MMP16: variants seen among roughly 807,000 people sequenced by gnomAD.
MMP16 encodes the protein matrix metalloproteinase-16.
In MMP16, 12 loss-of-function variants were observed where a neutral mutation model predicts 67.8. That is an observed-to-expected ratio of 0.18 (90% CI 0.11 to 0.29). The LOEUF is 0.29. MMP16 is among the 10% of genes least tolerant of loss of function. The pLI is 1.00. For synonymous variants in MMP16, 249 were observed against 255.9 expected, an observed-to-expected ratio of 0.97 and a Z score of 0.26; for missense variants, 475 against 765.7, an observed-to-expected ratio of 0.62 and a Z score of 4.48.
At chr8:88,326,087 C>A (rs1269036588) in intron 1 of MMP16, among the ~76,000 whole-genome samples, 1 of 151,828 alleles carries the variant, frequency 6.6e-6, no homozygotes, top group Non-Finnish European at 1.5e-5. Context: ...ATTCATAATT[C>A]GTTTGAGAGT....
chr8:88,071,015 G>C (rs1462088948), intron 7 of MMP16, among the ~76,000 whole-genome samples: 1 of 151,964 alleles, frequency 6.6e-6, no homozygotes, highest in South Asian at 2.1e-4. Context: ...TCAGAATGTA[G>C]AATTGGACAC....
chr8:88,189,278 CTCCA>C (rs1207243194), intron 2 of MMP16, among the ~76,000 whole-genome samples: 2 of 152,152 alleles, frequency 1.3e-5, no homozygotes, highest in Admixed American at 6.5e-5. Flanking sequence ...GCTGTCACAC[CTCCA>C]TCTAGATATC....
At chr8:88,075,560 A>C (rs1808633331) in intron 6 of MMP16, among the ~76,000 whole-genome samples, 1 of 152,110 alleles carries the variant, frequency 6.6e-6, no homozygotes, top group African/African-American at 2.4e-5. Context: ...AACCCTTCAA[A>C]CCCAAAAAAG....
chr8:88,180,022 G>A (rs567904960), intron 3 of MMP16, among the ~76,000 whole-genome samples: 15 of 152,116 alleles, frequency 9.9e-5, no homozygotes, highest in South Asian at 4.1e-4. Flanking sequence ...TGGCTCACAC[G>A]TGCAATCCCA....
intron 1 of MMP16, among the ~76,000 whole-genome samples, chr8:88,222,413 G>C (rs1032403594): frequency 2.6e-5 from 4 of 152,074 alleles, no homozygotes; most frequent in African/African-American, 4.8e-5. Flanking sequence ...AAAGAACAAA[G>C]CTGGAGGCAT....
intron 7 of MMP16, among the ~76,000 whole-genome samples, chr8:88,067,905 A>T (rs182578137): frequency 2.5e-4 from 38 of 152,280 alleles, no homozygotes; most frequent in African/African-American, 8.2e-4. Flanking sequence ...ATTACACATA[A>T]GTTTTCATTT....
intron 1 of MMP16, among the ~76,000 whole-genome samples, chr8:88,244,469 G>T (rs1299228538): frequency 6.6e-6 from 1 of 152,138 alleles, no homozygotes; most frequent in Non-Finnish European, 1.5e-5. Flanking sequence ...AATTCACTTT[G>T]TGGTACATCA....
chr8:88,235,998 T>A (rs2129885383), intron 1 of MMP16, among the ~76,000 whole-genome samples: 1 of 152,324 alleles, frequency 6.6e-6, no homozygotes, highest in East Asian at 1.9e-4. Context: ...AGCATAGGTG[T>A]CTTTACTCAC....
At chr8:88,164,832 C>G (rs1299210037) in intron 4 of MMP16, among the ~76,000 whole-genome samples, 1 of 151,628 alleles carries the variant, frequency 6.6e-6, no homozygotes, top group Non-Finnish European at 1.5e-5. Flanking sequence ...CTGATGAATA[C>G]TCTCAGCCAA....
At chr8:88,236,585 G>A (rs963112678) in intron 1 of MMP16, among the ~76,000 whole-genome samples, 8 of 151,912 alleles carry the variant, frequency 5.3e-5, no homozygotes, top group East Asian at 3.9e-4. Flanking sequence ...ACAAAACCTC[G>A]TCTCTACAAA....
At chr8:88,240,714 G>A (rs1810020381) in intron 1 of MMP16, among the ~76,000 whole-genome samples, 1 of 152,050 alleles carries the variant, frequency 6.6e-6, no homozygotes, top group Non-Finnish European at 1.5e-5. Context: ...CAGTTCATCT[G>A]TTTTCTGAGC....
chr8:88,090,923 T>C (rs1376607349), intron 6 of MMP16, among the ~76,000 whole-genome samples: 2 of 151,818 alleles, frequency 1.3e-5, no homozygotes, highest in African/African-American at 2.4e-5. Context: ...CAAGCTACAC[T>C]AATAAAAGTA....
At chr8:88,060,564 A>G (rs1808385343) in intron 7 of MMP16, among the ~76,000 whole-genome samples, 1 of 152,074 alleles carries the variant, frequency 6.6e-6, no homozygotes, top group Admixed American at 6.6e-5. Context: ...TTTATGGAAA[A>G]CTAGGATGAC....
chr8:88,159,748 G>T (rs1199674402), intron 4 of MMP16, among the ~76,000 whole-genome samples: 1 of 152,034 alleles, frequency 6.6e-6, no homozygotes, highest in African/African-American at 2.4e-5. Context: ...TGCCCATTCA[G>T]TATGAGGTTG....
chr8:88,044,405 T>C (rs1421535041), intron 9 of MMP16, among the ~76,000 whole-genome samples: 1 of 152,224 alleles, frequency 6.6e-6, no homozygotes, highest in Non-Finnish European at 1.5e-5. Flanking sequence ...GTAATGGAAG[T>C]ATGTCAAACC....
chr8:88,246,143 G>A (rs888161576), intron 1 of MMP16, among the ~76,000 whole-genome samples: 2 of 152,082 alleles, frequency 1.3e-5, no homozygotes, highest in Non-Finnish European at 2.9e-5. Flanking sequence ...TAAAACAAAA[G>A]TAATGAAAGG....
At chr8:88,321,084 T>A (rs1811453106) in intron 1 of MMP16, among the ~76,000 whole-genome samples, 1 of 152,198 alleles carries the variant, frequency 6.6e-6, no homozygotes, top group African/African-American at 2.4e-5. Context: ...TCTGTCCTTT[T>A]AGTATGGAAT....
intron 1 of MMP16, among the ~76,000 whole-genome samples, chr8:88,264,203 CACAT>C (rs968030827): frequency 6.6e-6 from 1 of 151,936 alleles, no homozygotes; most frequent in African/African-American, 2.4e-5. Flanking sequence ...CACACACACA[CACAT>C]ACATTTCTAG....
At position 88,038,384 on chromosome 8, in the gene MMP16, T is replaced by C. The variant is rs545380402; in HGVS notation, c.*3077A>G. ...ATTTGCCAGAATTCAAGCATAATGATAGACTCCTTCCTTCTTAATGCTATG... is the reference window on the plus strand; with the variant it reads ...ATTTGCCAGAATTCAAGCATAATGACAGACTCCTTCCTTCTTAATGCTATG... On this transcript the variant is annotated 3_prime_UTR_variant, in exon 10 of 10. Transcript: ENST00000286614. This position sits in a 1 kb window ranked among gnomAD's most constrained non-coding sequence, Gnocchi z 4.1. 2 of 152,618 alleles carry C rather than the reference T, an allele frequency of 1.3e-5. No homozygotes were observed. Among genetic ancestry groups the C allele is most frequent in the Admixed American group, 1.3e-4 (2 of 15,262 alleles). The allele number at this position is 152,618 out of a possible 1,614,324, so 9.5% of individuals were successfully genotyped here. A position where few individuals can be genotyped will look rare whatever the true frequency, so the allele number is the denominator to read the frequency against.
Sources: gnomAD v4.1 joint callset for allele counts (sites outside exome capture counted in the v4.1 genomes callset) on GRCh38, gnomAD v4.1.1 for gene constraint, Gnocchi (gnomAD v3.1) non-coding constraint, MANE v1.5 for transcripts, NCBI Gene and HGNC (gene_info 2026-07-23, HGNC 2026-07-21) for gene names.